PLG: variants seen among roughly 807,000 people sequenced by gnomAD.
PLG encodes plasmin.
Under a neutral mutation model 104.4 loss-of-function variants are expected in PLG, and 41 were observed. The observed-to-expected ratio is 0.39, with a 90% CI of 0.31 to 0.51. The LOEUF (loss-of-function observed/expected upper bound fraction) is 0.51. PLG is among the 20% of genes least tolerant of loss of function. The probability of loss-of-function intolerance (pLI) is 0.76; values close to 1 mark genes in which losing one functional copy is unlikely to be tolerated. For synonymous variants in PLG, 337 were observed against 357.1 expected (o/e 0.94, Z 0.63); for missense variants, 891 against 1,003.6 (o/e 0.89, Z 1.52).
At position 160,720,454 on chromosome 6, in the gene PLG, C is replaced by G. The variant is rs866538591; in HGVS notation, c.1096+1616C>G. On this transcript the variant is annotated intron_variant, in intron 9 of 18. Coordinates refer to ENST00000308192, the MANE Select transcript of PLG (RefSeq NM_000301.5). ...TTTTTTTTTGAGATGGAGCCTCACT[C>G]TGTCACCCAGGCTGGAGTGCAGTGG... is the stretch of plus-strand genomic sequence containing the variant. Among the ~76,000 whole-genome samples, 29 of 117,358 alleles carry G rather than the reference C, an allele frequency of 2.5e-4. No individual in the cohort carries two copies. In the Middle Eastern group the frequency reaches 0.026, roughly 106 times the overall value. The allele number at this position is 117,358 out of a possible 152,430, so 77.0% of individuals were successfully genotyped here.
At chr6:160,748,922 C>T (rs1473061047) in intron 17 of PLG, among the ~76,000 whole-genome samples, 7 of 152,148 alleles carry the variant, frequency 4.6e-5, no homozygotes, top group Admixed American at 4.6e-4. Context: ...CCCCTAAACC[C>T]GTCACTGATT....
intron 3 of PLG, among the ~76,000 whole-genome samples, chr6:160,709,966 G>T (rs560956028): frequency 6.6e-6 from 1 of 152,298 alleles, no homozygotes; most frequent in African/African-American, 2.4e-5. Context: ...TTGACGTAGA[G>T]CAGAGGCTTT....
At position 160,731,325 on chromosome 6, in the gene PLG, C is replaced by T. The variant is rs537620141; in HGVS notation, c.1438+93C>T. ...TGATGCAGAAACCTTCCATGCTACA[C>T]GAGAAATCAAGTGTTTTTAGAGGGT... On this transcript the variant is annotated intron_variant, in intron 11 of 18. Transcript: ENST00000308192. This position sits in a 1 kb window ranked among gnomAD's most constrained non-coding sequence, Gnocchi z 5.1. 1.9e-4 allele frequency: 216 copies of T among 1,142,024 alleles called. No individual in the cohort carries two copies. Among genetic ancestry groups the T allele is most frequent in the Middle Eastern group, 1.3e-3 (5 of 3,996 alleles). 70.7% of individuals were successfully genotyped at this position (1,142,024 alleles called of 1,614,324 possible).
In PLG at chr6:160,754,055, G is replaced by A. The variant is rs1416376618; in HGVS notation, c.*994G>A. 6.6e-6 allele frequency among the ~76,000 whole-genome samples: 1 copy of A among 152,218 alleles called. No homozygotes were observed. Among genetic ancestry groups the A allele is most frequent in the Non-Finnish European group, 1.5e-5 (1 of 68,042 alleles). On this transcript the variant is annotated 3_prime_UTR_variant, in exon 19 of 19. Coordinates refer to ENST00000308192, the MANE Select transcript of PLG (RefSeq NM_000301.5). The surrounding 1 kb of genome is among the most constrained non-coding windows in gnomAD (Gnocchi z 4.9). ...GTGAATGTAGTCTCAAATCCTCAAA[G>A]AGCTGTGTTTATTTCATTGACAAAT... is the stretch of plus-strand genomic sequence containing the variant.
rs567623520 is a variant in PLG, at chr6:160,734,660, G to T, written c.1681+572G>T. ...CCATCCTCATTGCTCTGAGACTCTT[G>T]TTGGGAGTATGAGGCTTGGATCAGG... On this transcript the variant is annotated intron_variant, in intron 13 of 18. Transcript: ENST00000308192. The surrounding 1 kb of genome is among the most constrained non-coding windows in gnomAD (Gnocchi z 4.4). Among the ~76,000 whole-genome samples the T allele has an allele frequency of 3.3e-5, 5 of 149,566 alleles. No individual in the cohort carries two copies. In the South Asian group the frequency reaches 6.3e-4, roughly 19 times the overall value.
chr6:160,750,208 G>A (rs773606995), intron 17 of PLG, among the ~76,000 whole-genome samples: 11 of 152,180 alleles, frequency 7.2e-5, no homozygotes, highest in Non-Finnish European at 1.6e-4. Context: ...GAGGCCAAGG[G>A]GTTTTTCCAG....
rs773258093 is a variant in PLG at position 160,723,948 on chromosome 6, G to C, written c.1256+1381G>C. Among the ~76,000 whole-genome samples, 2 of 152,152 alleles carry C rather than the reference G, an allele frequency of 1.3e-5. No homozygotes were observed. Among genetic ancestry groups the C allele is most frequent in the Non-Finnish European group, 2.9e-5 (2 of 68,012 alleles). ...AGAAACAGCATAGTAAAGCTGAAAA[G>C]CAAGTCTAAAAAAATCAACACGATC... is the stretch of plus-strand genomic sequence containing the variant. On this transcript the variant is annotated intron_variant, in intron 10 of 18. Transcript: ENST00000308192. The surrounding 1 kb of genome is among the most constrained non-coding windows in gnomAD (Gnocchi z 4.7).
At position 160,739,308 on chromosome 6, in the gene PLG, C is replaced by T; in HGVS notation, c.2018+100C>T. ...GCCACTGCATGGCAGTGGGGAGGAA[C>T]TGTCTATCACATGAAAGGCTCAAGG... On this transcript the variant is annotated intron_variant, in intron 16 of 18. Transcript: ENST00000308192. The surrounding 1 kb of genome is among the most constrained non-coding windows in gnomAD (Gnocchi z 4.4). 1 of 1,475,876 alleles carries T rather than the reference C, an allele frequency of 6.8e-7. No individual in the cohort carries two copies. Among genetic ancestry groups the T allele is most frequent in the Non-Finnish European group, 9.5e-7 (1 of 1,056,852 alleles). The allele number at this position is 1,475,876 out of a possible 1,614,324, so 91.4% of individuals were successfully genotyped here. A position where few individuals can be genotyped will look rare whatever the true frequency, so the allele number is the denominator to read the frequency against.
At chr6:160,721,344 T>C (rs1219122492) in intron 9 of PLG, among the ~76,000 whole-genome samples, 1 of 152,216 alleles carries the variant, frequency 6.6e-6, no homozygotes, top group Non-Finnish European at 1.5e-5. Context: ...GTAAATATTA[T>C]TTATACTTTG....
Position 160,739,768 on chromosome 6 carries a change from AAAAC to A in PLG, c.2018+562_2018+565del, listed in dbSNP as rs1297170972. Reference sequence around the variant, plus strand: ...AGAGTAAGACACTGTACCAAAAAAAAAAACACCAAAAAAACAAAAAACAAACAAA... The same window carrying A: ...AGAGTAAGACACTGTACCAAAAAAAAACCAAAAAAACAAAAAACAAACAAA... On this transcript the variant is annotated intron_variant, in intron 16 of 18. Coordinates refer to ENST00000308192, the MANE Select transcript of PLG (RefSeq NM_000301.5). This position sits in a 1 kb window ranked among gnomAD's most constrained non-coding sequence, Gnocchi z 4.4. Among the ~76,000 whole-genome samples, 3 of 148,746 alleles carry A rather than the reference AAAAC, an allele frequency of 2.0e-5. No homozygotes were observed. The highest frequency in any genetic ancestry group is 4.4e-5 in the Non-Finnish European group (3 of 67,904).
At position 160,752,878 on chromosome 6, in the gene PLG, A is replaced by AT; in HGVS notation, c.2272-17dup. ...GGCAGGCAGCCTAACCCTCACATGC[A>AT]TTTTTCTCTCCCTCTGTATAGGGTG... On this transcript the variant is annotated intron_variant, in intron 18 of 18. Coordinates refer to ENST00000308192, the MANE Select transcript of PLG (RefSeq NM_000301.5). This position sits in a 1 kb window ranked among gnomAD's most constrained non-coding sequence, Gnocchi z 4.7. The AT allele has an allele frequency of 1.2e-6, 2 of 1,613,334 alleles. No homozygotes were observed. Among genetic ancestry groups the AT allele is most frequent in the African/African-American group, 1.3e-5 (1 of 74,986 alleles).
chr6:160,753,597 C>T lies in PLG; in HGVS notation c.*536C>T, dbSNP rs1031496041. On this transcript the variant is annotated 3_prime_UTR_variant, in exon 19 of 19. Coordinates refer to ENST00000308192, the MANE Select transcript of PLG (RefSeq NM_000301.5). This position sits in a 1 kb window ranked among gnomAD's most constrained non-coding sequence, Gnocchi z 5.4. ...TGTTATTGGGAATGAAATCTGTCACCGACTGCTTGACTTGAGCCCAGGGGA... is the reference window on the plus strand; with the variant it reads ...TGTTATTGGGAATGAAATCTGTCACTGACTGCTTGACTTGAGCCCAGGGGA... Among the ~76,000 whole-genome samples the T allele has an allele frequency of 1.3e-5, 2 of 152,036 alleles. No homozygotes were observed. Among genetic ancestry groups the T allele is most frequent in the African/African-American group, 2.4e-5 (1 of 41,378 alleles).
intron 6 of PLG, among the ~76,000 whole-genome samples, chr6:160,716,101 C>T (rs1777724903): frequency 6.6e-6 from 1 of 152,230 alleles, no homozygotes; most frequent in African/African-American, 2.4e-5. Context: ...AGGACCATTC[C>T]TTTAAGCTAT....
At chr6:160,743,013 T>A (rs1582950380) in intron 17 of PLG, among the ~76,000 whole-genome samples, 1 of 4,436 alleles carries the variant, frequency 2.3e-4, no homozygotes, top group Non-Finnish European at 3.9e-4. Context: ...CTACGTGTCT[T>A]TTTTTTTTTT....
chr6:160,729,273 C>T (rs187410402), intron 10 of PLG, among the ~76,000 whole-genome samples: 18 of 152,258 alleles, frequency 1.2e-4, no homozygotes, highest in Non-Finnish European at 2.2e-4. Context: ...TGATGTGGAG[C>T]GAGGATGTGC....
In PLG at chr6:160,726,326, A is replaced by G. The variant is rs1462923007; in HGVS notation, c.1256+3759A>G. On this transcript the variant is annotated intron_variant, in intron 10 of 18. Coordinates refer to ENST00000308192, the MANE Select transcript of PLG (RefSeq NM_000301.5). This position sits in a 1 kb window ranked among gnomAD's most constrained non-coding sequence, Gnocchi z 4.4. ...ATCAAATATCTGAAAATGAAACAAC[A>G]CATTTCCAAATACTTCATAAGTCAA... is the stretch of plus-strand genomic sequence containing the variant. 3.3e-5 allele frequency among the ~76,000 whole-genome samples: 5 copies of G among 152,074 alleles called. No homozygotes were observed. Among genetic ancestry groups the G allele is most frequent in the African/African-American group, 1.2e-4 (5 of 41,464 alleles).
chr6:160,706,313 A>T, intron 1 of PLG, 94 bp from the exon 2 acceptor site: 7 of 1,535,128 alleles, frequency 4.6e-6, no homozygotes, highest in Non-Finnish European at 6.3e-6. Flanking sequence ...TTATTTGGTT[A>T]ATGCTAACCA....
intron 5 of PLG, 44 bp from the exon 6 acceptor site, chr6:160,714,750 C>T: frequency 6.2e-7 from 1 of 1,606,992 alleles, no homozygotes; most frequent in South Asian, 1.1e-5. Flanking sequence ...TCATCCATTT[C>T]AGTTTTCTTC....
chr6:160,703,294 A>G (rs563123025), intron 1 of PLG, among the ~76,000 whole-genome samples: 1 of 152,164 alleles, frequency 6.6e-6, no homozygotes. Context: ...TTATTGAGAT[A>G]TAATTAACAT....
Sources: allele counts gnomAD v4.1 joint callset (sites outside exome capture counted in the v4.1 genomes callset), GRCh38; gene constraint gnomAD v4.1.1; non-coding constraint Gnocchi (gnomAD v3.1); transcripts MANE v1.5; gene names NCBI Gene and HGNC (gene_info 2026-07-23, HGNC 2026-07-21).